Variants in IQCE observed in about 807,000 individuals in gnomAD.
IQCE encodes the protein IQ motif containing E, also known as IQ domain-containing protein E.
In IQCE, 115 loss-of-function variants were observed where a neutral mutation model predicts 96.0. That is an observed-to-expected ratio of 1.20 (90% CI 1.03 to 1.40). The LOEUF (loss-of-function observed/expected upper bound fraction) is 1.40, where lower values mean the gene tolerates loss of function less well. IQCE is among the 40% of genes most tolerant of loss of function. IQCE has a pLI of 0.00. For synonymous variants in IQCE, 412 were observed against 371.2 expected (o/e 1.11, Z -1.26); for missense variants, 1,041 against 909.1 (o/e 1.15, Z -1.87).
intron 21 of IQCE, among the ~76,000 whole-genome samples, chr7:2,609,453 C>T (rs1785015573): frequency 1.3e-5 from 2 of 152,126 alleles, no homozygotes; most frequent in South Asian, 2.1e-4. Flanking sequence ...CAGAAACGCT[C>T]CTACACACGG....
chr7:2,589,232 G>A (rs943253696), intron 13 of IQCE, among the ~76,000 whole-genome samples: 3 of 151,338 alleles, frequency 2.0e-5, no homozygotes, highest in African/African-American at 7.3e-5. Context: ...GCCTGGTGTG[G>A]TGGTGCACAC....
In IQCE at chr7:2,604,883, G is replaced by A. The variant is rs371441568; in HGVS notation, c.1635G>A (p.Ala545=). 292 of 1,612,560 alleles carry A rather than the reference G, an allele frequency of 1.8e-4. No homozygotes were observed. Among genetic ancestry groups the A allele is most frequent in the Non-Finnish European group, 2.3e-4 (272 of 1,179,060 alleles). The change falls in exon 19 of 22, where the codon GCG becomes GCA. Residue 545 remains alanine (A), a splice_region_variant and synonymous_variant. Coordinates refer to ENST00000402050, the MANE Select transcript of IQCE (RefSeq NM_152558.5). The part of the protein sequence containing the change: ...HKKKKAVLDE[A]AVVLQAAFRG... ...CTCCCTGCTTCCTTCCCTGACAGGC[G>A]GCTGTGGTGCTTCAGGCAGCTTTCA...
chr7:2,592,382 A>G (rs1225857809), intron 14 of IQCE, among the ~76,000 whole-genome samples: 1 of 145,556 alleles, frequency 6.9e-6, no homozygotes, highest in Non-Finnish European at 1.5e-5. Flanking sequence ...AGGATCTGTG[A>G]TGCTGTCAAG....
chr7:2,569,564 C>T (rs1227896911), intron 3 of IQCE, among the ~76,000 whole-genome samples: 2 of 152,056 alleles, frequency 1.3e-5, no homozygotes, highest in Admixed American at 6.6e-5. Flanking sequence ...TGGGGTTAGT[C>T]CAGGTGGCCC....
In IQCE at chr7:2,572,379, G is replaced by A. The variant is rs116524069; in HGVS notation, c.394+53G>A. Reference sequence around the variant, plus strand: ...AGGCCAAGGAAGAGCAGAAAGGAAAGGACAGTCTCTGGGCTGGAGGCGTCC... The same window carrying A: ...AGGCCAAGGAAGAGCAGAAAGGAAAAGACAGTCTCTGGGCTGGAGGCGTCC... On this transcript the variant is annotated intron_variant, in intron 5 of 21. Coordinates refer to ENST00000402050, the MANE Select transcript of IQCE (RefSeq NM_152558.5). 406 of 1,581,578 alleles carry A rather than the reference G, an allele frequency of 2.6e-4. 2 individuals are homozygous for A. In the African/African-American group the frequency reaches 5.0e-3, roughly 19 times the overall value.
chr7:2,563,376 T>TTTGTGTGTGTGC (rs1781112873), intron 1 of IQCE, among the ~76,000 whole-genome samples: 1 of 23,494 alleles, frequency 4.3e-5, no homozygotes. Context: ...AATTTTTTGT[T>TTTGTGTGTGTGC]GTGTGTGTGT....
intron 3 of IQCE, among the ~76,000 whole-genome samples, chr7:2,569,749 G>A (rs981072020): frequency 1.8e-4 from 28 of 152,286 alleles, no homozygotes; most frequent in African/African-American, 4.6e-4. Context: ...TTATATACGC[G>A]TATCATATAT....
Position 2,579,947 on chromosome 7 carries a change from C to G in IQCE, c.630+1421C>G, listed in dbSNP as rs1782539634. Among the ~76,000 whole-genome samples, 6 of 152,052 alleles carry G rather than the reference C, an allele frequency of 3.9e-5. 1 individual carries two copies. Among genetic ancestry groups the G allele is most frequent in the Admixed American group, 3.9e-4 (6 of 15,252 alleles). On this transcript the variant is annotated intron_variant, in intron 8 of 21. Coordinates refer to ENST00000402050, the MANE Select transcript of IQCE (RefSeq NM_152558.5). ...TTTTTTAGTTTTGGTAAGATGGGGT[C>G]TTGCGAAGTTTCCCAGGCTCATGTG...
At chr7:2,564,457 G>C (rs1353719409) in intron 1 of IQCE, among the ~76,000 whole-genome samples, 1 of 151,094 alleles carries the variant, frequency 6.6e-6, no homozygotes, top group Non-Finnish European at 1.5e-5. Flanking sequence ...CAATTATCCG[G>C]GCGTGGTGGC....
At chr7:2,573,955 A>T (rs913440943) in intron 6 of IQCE, among the ~76,000 whole-genome samples, 2 of 151,988 alleles carry the variant, frequency 1.3e-5, no homozygotes, top group Non-Finnish European at 2.9e-5. Flanking sequence ...TGAACTTGAG[A>T]CTCAGCGACG....
intron 1 of IQCE, among the ~76,000 whole-genome samples, chr7:2,562,560 TCTTTA>T (rs1372068443): frequency 6.6e-6 from 1 of 151,876 alleles, no homozygotes; most frequent in Non-Finnish European, 1.5e-5. Context: ...TCTGGGTGTT[TCTTTA>T]CTTCTATAAG....
rs1392726163 is a variant in IQCE, at chr7:2,577,860, TGTG to T, written c.466-381_466-379del. 5.0e-4 allele frequency among the ~76,000 whole-genome samples: 70 copies of T among 140,588 alleles called. 2 individuals carry two copies. The highest frequency in any genetic ancestry group is 1.8e-3 in the African/African-American group (67 of 37,482). 92.2% of individuals were successfully genotyped at this position (140,588 alleles called of 152,430 possible). On this transcript the variant is annotated intron_variant, in intron 6 of 21. Coordinates refer to ENST00000402050, the MANE Select transcript of IQCE (RefSeq NM_152558.5). ...GTGCGCGCATTGGCGTGTGCGTGGC[TGTG>T]CGCGCGGGGACGTGTGTGCGGCGTG...
At position 2,599,317 on chromosome 7, in the gene IQCE, C is replaced by G. The variant is rs1468190955; in HGVS notation, c.1608+685C>G. ...GTTCAAGTGATTCTCCTGCCTCAGCCTCCCAAGTAGTTGTGATACAGGTGC... is the reference window on the plus strand; with the variant it reads ...GTTCAAGTGATTCTCCTGCCTCAGCGTCCCAAGTAGTTGTGATACAGGTGC... On this transcript the variant is annotated intron_variant, in intron 17 of 21. Coordinates refer to ENST00000402050, the MANE Select transcript of IQCE (RefSeq NM_152558.5). 2.6e-5 allele frequency among the ~76,000 whole-genome samples: 4 copies of G among 152,140 alleles called. No individual in the cohort carries two copies. The East Asian group carries it at 7.7e-4, about 29-fold the overall frequency.
chr7:2,559,472 C>G (rs924507586), intron 1 of IQCE: 1 of 253,012 alleles, frequency 4.0e-6, no homozygotes, highest in African/African-American at 2.3e-5. Flanking sequence ...CGCGCCCTCG[C>G]CTCTGGGCGC....
At chr7:2,601,232 A>G (rs1227563596) in intron 17 of IQCE, among the ~76,000 whole-genome samples, 1 of 152,184 alleles carries the variant, frequency 6.6e-6, no homozygotes, top group African/African-American at 2.4e-5. Context: ...CTCCTGGAGA[A>G]TTCCCGCCAT....
rs376831503 is a variant in IQCE at position 2,567,208 on chromosome 7, G to A, written c.84+45G>A. On this transcript the variant is annotated intron_variant, in intron 2 of 21. Coordinates refer to ENST00000402050, the MANE Select transcript of IQCE (RefSeq NM_152558.5). ...AGCCGTGCGACCTCGGGCTGGTTGCGCTGCCCTTGCAGACTGCACTCGGAA... is the reference window on the plus strand; with the variant it reads ...AGCCGTGCGACCTCGGGCTGGTTGCACTGCCCTTGCAGACTGCACTCGGAA... 5.1e-4 allele frequency: 772 copies of A among 1,514,488 alleles called. 1 individual carries two copies. The highest frequency in any genetic ancestry group is 6.7e-4 in the Admixed American group (40 of 59,604). The allele number at this position is 1,514,488 out of a possible 1,614,324, so 93.8% of individuals were successfully genotyped here. A position where few individuals can be genotyped will look rare whatever the true frequency, so the allele number is the denominator to read the frequency against.
chr7:2,595,877 A>G (rs750268362), intron 16 of IQCE, among the ~76,000 whole-genome samples: 16 of 149,278 alleles, frequency 1.1e-4, no homozygotes, highest in Non-Finnish European at 2.1e-4. Context: ...TCTGCTCACC[A>G]TGGCCGGTGC....
intron 4 of IQCE, 74 bp from the exon 5 acceptor site, chr7:2,572,118 A>AGG: frequency 6.7e-7 from 1 of 1,483,848 alleles, no homozygotes; most frequent in Non-Finnish European, 9.2e-7. Context: ...AATCCAGGAA[A>AGG]GTTGATTAGA....
rs1374692884 is a variant in IQCE, at chr7:2,614,618, C to G, written c.*4456C>G. The G allele has an allele frequency of 6.6e-6, 1 of 152,204 alleles. No homozygotes were observed. Among genetic ancestry groups the G allele is most frequent in the Admixed American group, 6.5e-5 (1 of 15,290 alleles). The allele number at this position is 152,204 out of a possible 1,614,324, so 9.4% of individuals were successfully genotyped here. On this transcript the variant is annotated 3_prime_UTR_variant, in exon 22 of 22. Transcript: ENST00000402050. The stretch of plus-strand genomic sequence containing the variant: ...CATTTTGTATTTAGAATTATTCTAA[C>G]TTTATACATAATGTATAGGCCGATC...
Sources: allele counts gnomAD v4.1 joint callset (sites outside exome capture counted in the v4.1 genomes callset), GRCh38; gene constraint gnomAD v4.1.1; transcripts MANE v1.5; gene names NCBI Gene and HGNC (gene_info 2026-07-23, HGNC 2026-07-21).